COX7A2: variants seen among roughly 807,000 people sequenced by gnomAD.
The protein encoded by COX7A2 is cytochrome c oxidase subunit 7A2.
In COX7A2, 11 loss-of-function variants were observed where a neutral mutation model predicts 11.6. The ratio of observed to expected loss-of-function variants is 0.95; its 90% CI spans 0.60 to 1.57. COX7A2 has a LOEUF of 1.57. Ranked by LOEUF, COX7A2 falls within the 40% of genes most tolerant of loss-of-function variation. COX7A2 has a pLI of 0.00. For missense variants in COX7A2, 106 were observed against 100.9 expected (o/e 1.05, Z -0.22); for synonymous variants, 30 against 38.2 (o/e 0.78, Z 0.79).
At chr6:75,248,917 T>C (rs954268807) in intron 1 of COX7A2, among the ~76,000 whole-genome samples, 1 of 152,144 alleles carries the variant, frequency 6.6e-6, no homozygotes, top group Non-Finnish European at 1.5e-5. Context: ...ACAAAAGTTG[T>C]ATGGGAAATT....
At chr6:75,246,653 AAATG>A (rs985771876), upstream of COX7A2, among the ~76,000 whole-genome samples, 3 of 152,252 alleles carry the variant, frequency 2.0e-5, no homozygotes, top group Admixed American at 1.3e-4. Flanking sequence ...TACATTGGTT[AAATG>A]AATGAACTGT....
rs1487222785 is a variant in COX7A2 at position 75,243,772 on chromosome 6, A to C, written c.-38T>G. Reference sequence around the variant, plus strand: ...TGACCAGCAACCGCCACAACTGAACACCACCAACGAAAATGGCCACGCCGG... The same window carrying C: ...TGACCAGCAACCGCCACAACTGAACCCCACCAACGAAAATGGCCACGCCGG... On this transcript the variant is annotated 5_prime_UTR_variant, in exon 1 of 4. Coordinates refer to ENST00000684430, the MANE Select transcript of COX7A2 (RefSeq NM_001366293.2). 6.2e-7 allele frequency: 1 copy of C among 1,613,858 alleles called. No individual in the cohort carries two copies. Among genetic ancestry groups the C allele is most frequent in the African/African-American group, 1.3e-5 (1 of 74,886 alleles).
chr6:75,242,679 G>A (rs1771547122), intron 1 of COX7A2, among the ~76,000 whole-genome samples: 1 of 151,962 alleles, frequency 6.6e-6, no homozygotes, highest in Admixed American at 6.6e-5. Context: ...AATTAGTAGG[G>A]CTTGGTGGCG....
At chr6:75,241,403 G>A (rs1476592827) in intron 1 of COX7A2, 138 bp from the exon 2 acceptor site, 3 of 651,634 alleles carry the variant, frequency 4.6e-6, no homozygotes, top group Non-Finnish European at 7.2e-6. Flanking sequence ...AGTCATGCAA[G>A]AGCATCCAGG....
intron 1 of COX7A2, among the ~76,000 whole-genome samples, chr6:75,242,982 C>T (rs1582263548): frequency 6.6e-6 from 1 of 152,098 alleles, no homozygotes. Flanking sequence ...GGGTATACAT[C>T]TTTTAAAGAA....
intron 3 of COX7A2, among the ~76,000 whole-genome samples, chr6:75,238,469 A>T (rs1449004375): frequency 1.3e-5 from 2 of 152,080 alleles, no homozygotes; most frequent in Non-Finnish European, 2.9e-5. Flanking sequence ...GCACTTTGGG[A>T]GGCCGAGGCG....
chr6:75,240,077 G>A (rs561365015), intron 3 of COX7A2, among the ~76,000 whole-genome samples: 4 of 151,830 alleles, frequency 2.6e-5, no homozygotes, highest in Non-Finnish European at 5.9e-5. Context: ...ATCCAGCCTG[G>A]GCAACAGGAG....
chr6:75,247,668 T>A (rs1771708908), upstream of COX7A2, among the ~76,000 whole-genome samples: 1 of 152,028 alleles, frequency 6.6e-6, no homozygotes, highest in Non-Finnish European at 1.5e-5. Flanking sequence ...TCATAAAACA[T>A]ATGAATGAGG....
At chr6:75,244,552 G>A (rs1771638968), upstream of COX7A2, among the ~76,000 whole-genome samples, 1 of 152,076 alleles carries the variant, frequency 6.6e-6, no homozygotes, top group African/African-American at 2.4e-5. Flanking sequence ...GGCTGTCGGT[G>A]TCATCCATTT....
In COX7A2 at chr6:75,240,369, G is replaced by T; in HGVS notation, c.125C>A (p.Pro42Gln). ...QKLFQEDDEI[P>Q]LYLKGGVADA... The stretch of plus-strand genomic sequence containing the variant: ...AGCTACCCCACCCTTTAGATACAGT[G>T]GAATTTCATCATCCTCCTAGATTTA... Residue 42 changes from proline to glutamine, a missense_variant, in exon 3 of 4, where the codon CCA (proline) becomes CAA (glutamine). By Grantham distance (76) the Pro-to-Gln change is moderately conservative (BLOSUM62 -1). Coordinates refer to ENST00000684430, the MANE Select transcript of COX7A2 (RefSeq NM_001366293.2). 1.9e-6 allele frequency: 3 copies of T among 1,575,808 alleles called. No individual in the cohort carries two copies. The highest frequency in any genetic ancestry group is 2.6e-6 in the Non-Finnish European group (3 of 1,165,204).
At chr6:75,240,441 T>A in intron 2 of COX7A2, 56 bp from the exon 3 acceptor site, 1 of 1,276,816 alleles carries the variant, frequency 7.8e-7, no homozygotes, top group Non-Finnish European at 1.1e-6. Flanking sequence ...CATTTCCAAC[T>A]AAGTTTCAAA....
chr6:75,242,974 G>A (rs1337738134), intron 1 of COX7A2, among the ~76,000 whole-genome samples: 1 of 152,072 alleles, frequency 6.6e-6, no homozygotes, highest in Non-Finnish European at 1.5e-5. Context: ...TTTAAAGAGG[G>A]TATACATCTT....
At chr6:75,240,445 T>G in intron 2 of COX7A2, 60 bp from the exon 3 acceptor site, 2 of 1,227,046 alleles carry the variant, frequency 1.6e-6, no homozygotes, top group Non-Finnish European at 2.3e-6. Flanking sequence ...TCCAACTAAG[T>G]TTCAAAAGAA....
upstream of COX7A2, among the ~76,000 whole-genome samples, chr6:75,247,596 T>TAAG (rs3028625): frequency 0.91 from 138,885 of 152,038 alleles, 63,681 homozygotes; most frequent in East Asian, 0.98. Flanking sequence ...TCATTAAACT[T>TAAG]TAGTTAGACT....
intron 2 of COX7A2, 57 bp downstream of exon 2, chr6:75,241,119 T>C (rs1247481994): frequency 1.3e-6 from 2 of 1,559,338 alleles, no homozygotes; most frequent in Non-Finnish European, 1.8e-6. Context: ...ATCCCAACTC[T>C]TACCTTTTGG....
upstream of COX7A2, chr6:75,243,964 C>T: frequency 1.3e-6 from 1 of 742,764 alleles, no homozygotes; most frequent in Non-Finnish European, 2.2e-6. Flanking sequence ...GATCTCGTTC[C>T]TGACCTTTTC....
At chr6:75,247,733 G>A (rs1771710511), upstream of COX7A2, among the ~76,000 whole-genome samples, 1 of 151,824 alleles carries the variant, frequency 6.6e-6, no homozygotes, top group African/African-American at 2.4e-5. Context: ...AAAGGGTCTG[G>A]GGAGTCCTGC....
At chr6:75,239,310 A>T (rs1175003008) in intron 3 of COX7A2, among the ~76,000 whole-genome samples, 1 of 152,146 alleles carries the variant, frequency 6.6e-6, no homozygotes, top group Non-Finnish European at 1.5e-5. Flanking sequence ...GAACTGGAGG[A>T]CACCTAGCTG....
Position 75,237,944 on chromosome 6 carries a change from T to C in COX7A2, c.238A>G (p.Lys80Glu), listed in dbSNP as rs1354804402. The C allele has an allele frequency of 6.2e-7, 1 of 1,606,312 alleles. No individual in the cohort carries two copies. Reference protein sequence around the residue: ...IYELAVASFPKKQE With the variant: ...IYELAVASFPEKQE ...GATGACTGAAGTCACTCCTGCTTCTTGGGAAATGAAGCCACAGCCAGCTCA... is the reference window on the plus strand; with the variant it reads ...GATGACTGAAGTCACTCCTGCTTCTCGGGAAATGAAGCCACAGCCAGCTCA... The change falls in exon 4 of 4, where the codon AAG (lysine) becomes GAG (glutamate). Residue 80 changes from lysine (K) to glutamate (E), a missense_variant. Transcript: ENST00000684430.
Sources: allele counts gnomAD v4.1 joint callset (sites outside exome capture counted in the v4.1 genomes callset), GRCh38; gene constraint gnomAD v4.1.1; transcripts MANE v1.5; gene names NCBI Gene and HGNC (gene_info 2026-07-23, HGNC 2026-07-21).